Variants in CORIN observed in about 807,000 individuals in gnomAD.
The protein encoded by CORIN is corin, serine peptidase.
A neutral mutation model predicts 125.3 loss-of-function variants in CORIN; 117 were observed. The observed-to-expected ratio is 0.93, with a 90% CI of 0.80 to 1.09. The LOEUF is 1.09. Ranked by LOEUF, CORIN falls within the 50% of genes least tolerant of loss-of-function variation. The pLI is 0.00. For missense variants in CORIN, 1,253 were observed against 1,306.7 expected, an observed-to-expected ratio of 0.96 and a Z score of 0.63; for synonymous variants, 450 against 466.4, an observed-to-expected ratio of 0.96 and a Z score of 0.45.
chr4:47,674,519 G>C lies in CORIN; in HGVS notation c.1250-19C>G. On this transcript the variant is annotated intron_variant, in intron 9 of 21. Coordinates refer to ENST00000273857, the MANE Select transcript of CORIN (RefSeq NM_006587.4). Reference sequence around the variant, plus strand: ...GTCTGAACTACAGAGGGAGGAAAAGGCACATTGGCTTTCATCATCTACAAA... The same window carrying C: ...GTCTGAACTACAGAGGGAGGAAAAGCCACATTGGCTTTCATCATCTACAAA... 1 of 1,466,708 alleles carries C rather than the reference G, an allele frequency of 6.8e-7. No individual in the cohort carries two copies. Among genetic ancestry groups the C allele is most frequent in the Non-Finnish European group, 9.6e-7 (1 of 1,045,744 alleles). 90.9% of individuals were successfully genotyped at this position (1,466,708 alleles called of 1,614,324 possible).
At chr4:47,695,730 A>T (rs61761809) in intron 5 of CORIN, among the ~76,000 whole-genome samples, 3,372 of 152,310 alleles carry the variant, frequency 0.022, 123 homozygotes, top group African/African-American at 0.076. Context: ...AACTTTTGTA[A>T]AATCTTTCTG....
intron 5 of CORIN, among the ~76,000 whole-genome samples, chr4:47,735,942 T>TAAAAAAAAA (rs749270493): frequency 1.0e-5 from 1 of 96,408 alleles, no homozygotes; most frequent in Non-Finnish European, 2.1e-5. Context: ...GACTCCATCT[T>TAAAAAAAAA]AAAAAAAAAA....
At chr4:47,683,947 G>A (rs1725401546) in intron 6 of CORIN, 109 bp from the exon 7 acceptor site, 1 of 709,166 alleles carries the variant, frequency 1.4e-6, no homozygotes, top group Non-Finnish European at 2.3e-6. Context: ...ATGGTAACCT[G>A]GTCCACACCT....
intron 21 of CORIN, 31 bp downstream of exon 21, chr4:47,600,183 G>A: frequency 6.3e-7 from 1 of 1,586,504 alleles, no homozygotes; most frequent in Non-Finnish European, 8.6e-7. Flanking sequence ...TTGTTGAACT[G>A]AATCTCCTTG....
chr4:47,705,784 C>G (rs916284529), intron 5 of CORIN, among the ~76,000 whole-genome samples: 1 of 152,132 alleles, frequency 6.6e-6, no homozygotes, highest in African/African-American at 2.4e-5. Context: ...TAACACCTAC[C>G]ACAAGAGGGA....
At chr4:47,665,864 C>T (rs1452344484) in intron 10 of CORIN, among the ~76,000 whole-genome samples, 1 of 152,238 alleles carries the variant, frequency 6.6e-6, no homozygotes, top group Non-Finnish European at 1.5e-5. Flanking sequence ...GCTAACTTTT[C>T]AGCTTCATTG....
At chr4:47,829,888 C>T (rs1732903441) in intron 1 of CORIN, among the ~76,000 whole-genome samples, 1 of 152,214 alleles carries the variant, frequency 6.6e-6, no homozygotes, top group African/African-American at 2.4e-5. Context: ...AGTCCAACTA[C>T]CTCATTTTAC....
At chr4:47,660,098 C>T (rs979856962) in intron 12 of CORIN, among the ~76,000 whole-genome samples, 3 of 152,194 alleles carry the variant, frequency 2.0e-5, no homozygotes, top group African/African-American at 7.2e-5. Context: ...AGGACAGTCT[C>T]TTCAGTGAAT....
At chr4:47,718,922 C>T (rs920915596) in intron 5 of CORIN, among the ~76,000 whole-genome samples, 4 of 152,122 alleles carry the variant, frequency 2.6e-5, no homozygotes, top group African/African-American at 9.7e-5. Context: ...TGCAACCTGC[C>T]CTTTTAAATG....
intron 5 of CORIN, among the ~76,000 whole-genome samples, chr4:47,711,652 G>GA (rs1377613134): frequency 2.0e-5 from 3 of 151,960 alleles, no homozygotes; most frequent in Non-Finnish European, 4.4e-5. Context: ...GCTTAACAGA[G>GA]AAAAAAAAGT....
chr4:47,693,715 A>G (rs558111096), intron 5 of CORIN, among the ~76,000 whole-genome samples: 6 of 152,204 alleles, frequency 3.9e-5, no homozygotes, highest in Non-Finnish European at 8.8e-5. Flanking sequence ...TCCTTAACAC[A>G]GTGACATTTT....
chr4:47,611,013 T>C (rs1486164540), intron 19 of CORIN, among the ~76,000 whole-genome samples: 7 of 152,224 alleles, frequency 4.6e-5, no homozygotes, highest in Non-Finnish European at 1.0e-4. Flanking sequence ...TAGTATAGTT[T>C]GAAGTTGGGT....
At chr4:47,797,016 C>T (rs1243246777) in intron 2 of CORIN, among the ~76,000 whole-genome samples, 1 of 151,866 alleles carries the variant, frequency 6.6e-6, no homozygotes, top group East Asian at 1.9e-4. Flanking sequence ...ACTGTGGAGT[C>T]CCTGAGGGTA....
intron 2 of CORIN, chr4:47,790,262 T>C: frequency 1.0e-6 from 1 of 956,112 alleles, no homozygotes; most frequent in Non-Finnish European, 1.2e-6. Flanking sequence ...CAAGTAAAAA[T>C]GGCTCCCCGG....
In CORIN at chr4:47,653,503, A is replaced by C. The variant is rs111243399; in HGVS notation, c.1843+50T>G. The C allele has an allele frequency of 2.1e-6, 3 of 1,417,134 alleles. No homozygotes were observed. The African/African-American group carries it at 4.2e-5, about 20-fold the overall frequency. 87.8% of individuals were successfully genotyped at this position (1,417,134 alleles called of 1,614,324 possible). ...CATTTTTAACACAGTTTCTTATTTT[A>C]TTCTAGTTATCACTGTACATTCAAG... On this transcript the variant is annotated intron_variant, in intron 13 of 21. Transcript: ENST00000273857.
chr4:47,640,971 ACT>A (rs1399699490), intron 16 of CORIN, among the ~76,000 whole-genome samples: 1 of 152,204 alleles, frequency 6.6e-6, no homozygotes, highest in Non-Finnish European at 1.5e-5. Context: ...TAATTTTTCC[ACT>A]CTCACAAAGT....
At chr4:47,648,334 T>C (rs1476215115) in intron 13 of CORIN, among the ~76,000 whole-genome samples, 1 of 152,162 alleles carries the variant, frequency 6.6e-6, no homozygotes, top group African/African-American at 2.4e-5. Context: ...GGATACAGTG[T>C]TCCAAAAAAG....
chr4:47,670,476 A>T (rs1287518278), intron 10 of CORIN, among the ~76,000 whole-genome samples: 1 of 152,194 alleles, frequency 6.6e-6, no homozygotes, highest in Non-Finnish European at 1.5e-5. Context: ...TGAAGCTTGC[A>T]AAGAGAGAGT....
At chr4:47,738,458 G>A (rs1026879485) in intron 5 of CORIN, among the ~76,000 whole-genome samples, 1 of 152,090 alleles carries the variant, frequency 6.6e-6, no homozygotes, top group African/African-American at 2.4e-5. Context: ...CTGCTATCTG[G>A]GCAAAAACTT....
Sources: gnomAD v4.1 joint callset for allele counts (sites outside exome capture counted in the v4.1 genomes callset) on GRCh38, gnomAD v4.1.1 for gene constraint, MANE v1.5 for transcripts, NCBI Gene and HGNC (gene_info 2026-07-23, HGNC 2026-07-21) for gene names.